PTPRD: variants seen among roughly 807,000 people sequenced by gnomAD.
The protein encoded by PTPRD is protein tyrosine phosphatase receptor type D.
A neutral mutation model predicts 214.5 loss-of-function variants in PTPRD; 34 were observed. The ratio of observed to expected loss-of-function variants is 0.16; its 90% CI spans 0.12 to 0.21. The LOEUF (loss-of-function observed/expected upper bound fraction) is 0.21, where lower values mean the gene tolerates loss of function less well. PTPRD is among the 10% of genes least tolerant of loss of function. PTPRD has a pLI of 1.00. For missense variants in PTPRD, 2,545 were observed against 2,398.7 expected (o/e 1.06, Z -1.27); for synonymous variants, 1,128 against 845.7 (o/e 1.33, Z -5.79).
chr9:8,324,690 T>G (rs1215517055), intron 44 of PTPRD, among the ~76,000 whole-genome samples: 1 of 152,124 alleles, frequency 6.6e-6, no homozygotes, highest in African/African-American at 2.4e-5. Context: ...TCTTCCACAC[T>G]GGTTTAACTA....
At chr9:8,444,690 T>C (rs1364156359) in intron 34 of PTPRD, among the ~76,000 whole-genome samples, 1 of 152,168 alleles carries the variant, frequency 6.6e-6, no homozygotes. Flanking sequence ...TCACAATCTA[T>C]ATGCAATGAT....
At chr9:9,068,821 A>G (rs2099739436) in intron 10 of PTPRD, among the ~76,000 whole-genome samples, 1 of 152,124 alleles carries the variant, frequency 6.6e-6, no homozygotes, top group African/African-American at 2.4e-5. Context: ...TATGTTGGCC[A>G]GGATGGTCTC....
intron 11 of PTPRD, among the ~76,000 whole-genome samples, chr9:8,955,397 G>A (rs2099125744): frequency 6.6e-6 from 1 of 151,704 alleles, no homozygotes; most frequent in South Asian, 2.1e-4. Context: ...CAGACTATAA[G>A]CTCGTAGACT....
intron 7 of PTPRD, among the ~76,000 whole-genome samples, chr9:9,633,341 T>G (rs2095653749): frequency 6.6e-6 from 1 of 150,584 alleles, no homozygotes. Flanking sequence ...GGTCAGTGGG[T>G]AGGGAAATTC....
At chr9:9,427,711 C>A (rs1045512351) in intron 8 of PTPRD, among the ~76,000 whole-genome samples, 7 of 152,198 alleles carry the variant, frequency 4.6e-5, no homozygotes, top group Non-Finnish European at 1.0e-4. Flanking sequence ...AACAGCTGAT[C>A]TCTCGGCAGA....
At chr9:9,933,619 A>T (rs1439478864) in intron 5 of PTPRD, among the ~76,000 whole-genome samples, 1 of 150,512 alleles carries the variant, frequency 6.6e-6, no homozygotes, top group Admixed American at 6.6e-5. Flanking sequence ...ACTCCCACAC[A>T]TTAATAATGG....
chr9:8,662,859 A>G (rs1357467963), intron 12 of PTPRD, among the ~76,000 whole-genome samples: 1 of 152,156 alleles, frequency 6.6e-6, no homozygotes, highest in African/African-American at 2.4e-5. Context: ...TTACCTTTTT[A>G]TGATGATTAT....
intron 8 of PTPRD, among the ~76,000 whole-genome samples, chr9:9,444,696 C>A (rs758051281): frequency 6.6e-6 from 1 of 152,032 alleles, no homozygotes; most frequent in African/African-American, 2.4e-5. Context: ...AAAGAACAAC[C>A]TTTTCCCTTT....
intron 11 of PTPRD, among the ~76,000 whole-genome samples, chr9:8,984,832 A>G (rs1279454307): frequency 6.6e-6 from 1 of 152,130 alleles, no homozygotes; most frequent in African/African-American, 2.4e-5. Flanking sequence ...GGATGTGGGA[A>G]TCATATATTA....
chr9:8,560,242 C>T (rs1593784054), intron 14 of PTPRD, among the ~76,000 whole-genome samples: 1 of 152,002 alleles, frequency 6.6e-6, no homozygotes, highest in East Asian at 1.9e-4. Context: ...TGTTGATCAA[C>T]CAAGTTATAA....
At chr9:10,230,773 A>G (rs1410234133) in intron 3 of PTPRD, among the ~76,000 whole-genome samples, 1 of 152,074 alleles carries the variant, frequency 6.6e-6, no homozygotes, top group Non-Finnish European at 1.5e-5. Context: ...CTATAACAGA[A>G]GGTTTCAGTT....
intron 2 of PTPRD, among the ~76,000 whole-genome samples, chr9:10,410,395 G>A (rs928977861): frequency 6.6e-6 from 1 of 150,442 alleles, no homozygotes. Flanking sequence ...TCCTCAAAGG[G>A]CAGAGGTTTC....
rs541999615 is a variant in PTPRD, at chr9:9,525,890, G to GT, written c.-237+48841dup. Among the ~76,000 whole-genome samples the GT allele has an allele frequency of 5.5e-4, 83 of 151,202 alleles. 1 individual carries two copies. The South Asian group carries it at 0.017, about 31-fold the overall frequency. ...GCTTTACAAATAGGTATTCATCCAT[G>GT]TAAGCATCACCTAAGTCAACATAAA... On this transcript the variant is annotated intron_variant, in intron 8 of 45. Coordinates refer to ENST00000381196, the MANE Select transcript of PTPRD (RefSeq NM_002839.4).
rs568555824 is a variant in PTPRD, at chr9:10,387,769, G to C, written c.-599-46752C>G. On this transcript the variant is annotated intron_variant, in intron 2 of 45. Coordinates refer to ENST00000381196, the MANE Select transcript of PTPRD (RefSeq NM_002839.4). Reference sequence around the variant, plus strand: ...ATTTCTGTCATTTACAGCTGAGCTAGTCATTACTGATACCTGTTGAATACG... The same window carrying C: ...ATTTCTGTCATTTACAGCTGAGCTACTCATTACTGATACCTGTTGAATACG... 1.2e-3 allele frequency among the ~76,000 whole-genome samples: 169 copies of C among 139,368 alleles called. 1 individual carries two copies. Among genetic ancestry groups the C allele is most frequent in the African/African-American group, 4.3e-3 (161 of 37,614 alleles). The allele number at this position is 139,368 out of a possible 152,430, so 91.4% of individuals were successfully genotyped here. A position where few individuals can be genotyped will look rare whatever the true frequency, so the allele number is the denominator to read the frequency against.
rs937133917 is a variant in PTPRD, at chr9:9,895,557, A to T, written c.-368+42950T>A. Among the ~76,000 whole-genome samples the T allele has an allele frequency of 3.3e-5, 5 of 152,032 alleles. No individual in the cohort carries two copies. In the East Asian group the frequency reaches 9.7e-4, roughly 29 times the overall value. ...AAAAGTTTATCTCATAGAAGTAGGG[A>T]CTACAATGGTGATAACCAGAATCCA... On this transcript the variant is annotated intron_variant, in intron 5 of 45. Transcript: ENST00000381196.
intron 11 of PTPRD, among the ~76,000 whole-genome samples, chr9:8,739,372 A>G (rs1276467686): frequency 6.6e-6 from 1 of 152,244 alleles, no homozygotes; most frequent in African/African-American, 2.4e-5. Context: ...GACAGATATA[A>G]CTTTCTTCAG....
intron 11 of PTPRD, among the ~76,000 whole-genome samples, chr9:8,954,748 T>C (rs1233862752): frequency 6.6e-6 from 1 of 151,860 alleles, no homozygotes. Flanking sequence ...TTTAGATACA[T>C]GATCATGGTT....
intron 30 of PTPRD, among the ~76,000 whole-genome samples, chr9:8,476,394 C>T (rs892486283): frequency 2.6e-5 from 4 of 152,096 alleles, no homozygotes; most frequent in African/African-American, 9.7e-5. Context: ...GCTGTGTGGT[C>T]GGGTTCCTAA....
intron 12 of PTPRD, among the ~76,000 whole-genome samples, chr9:8,674,223 G>C (rs1471336532): frequency 6.6e-6 from 1 of 152,032 alleles, no homozygotes; most frequent in African/African-American, 2.4e-5. Flanking sequence ...ACTTTGCGAG[G>C]CCGAGGCAGG....
Sources: gnomAD v4.1 joint callset for allele counts (sites outside exome capture counted in the v4.1 genomes callset) on GRCh38, gnomAD v4.1.1 for gene constraint, MANE v1.5 for transcripts, NCBI Gene and HGNC (gene_info 2026-07-23, HGNC 2026-07-21) for gene names.